The following CNBD1 variants were observed in gnomAD, a reference collection of about 807,000 sequenced individuals.
The protein encoded by CNBD1 is cyclic nucleotide binding domain containing 1, also known as cyclic nucleotide-binding domain-containing protein 1.
CNBD1 carries 71 observed loss-of-function variants against 54.4 expected under a neutral mutation model. The ratio of observed to expected loss-of-function variants is 1.30; its 90% CI spans 1.08 to 1.59. The LOEUF is 1.59. CNBD1 is among the 40% of genes most tolerant of loss of function. CNBD1 has a pLI of 0.00. For synonymous variants in CNBD1, 182 were observed against 170.7 expected, an observed-to-expected ratio of 1.07 and a Z score of -0.51; for missense variants, 659 against 518.0, an observed-to-expected ratio of 1.27 and a Z score of -2.64.
intron 4 of CNBD1, among the ~76,000 whole-genome samples, chr8:87,127,421 T>A (rs1312907992): frequency 6.6e-6 from 1 of 152,194 alleles, no homozygotes; most frequent in African/African-American, 2.4e-5. Context: ...TTATGCTACT[T>A]TAAATTGTAT....
chr8:86,905,357 G>A (rs528917511), intron 3 of CNBD1, among the ~76,000 whole-genome samples, 163 bp downstream of exon 3: 3 of 152,110 alleles, frequency 2.0e-5, no homozygotes, highest in African/African-American at 4.8e-5. Flanking sequence ...GTTGGTAAGG[G>A]TAAATTCAAT....
chr8:87,377,937 T>G (rs1810986319), intron 10 of CNBD1, among the ~76,000 whole-genome samples: 1 of 148,526 alleles, frequency 6.7e-6, no homozygotes, highest in African/African-American at 2.5e-5. Flanking sequence ...GTTTTTTGGC[T>G]GCATAAATGT....
intron 6 of CNBD1, among the ~76,000 whole-genome samples, chr8:87,258,520 A>C (rs1808067318): frequency 6.6e-6 from 1 of 151,834 alleles, no homozygotes; most frequent in African/African-American, 2.4e-5. Flanking sequence ...GCAACTCCTA[A>C]TCTCAAGTGA....
chr8:86,904,962 T>C, intron 2 of CNBD1, 119 bp from the exon 3 acceptor site: 1 of 419,358 alleles, frequency 2.4e-6, no homozygotes, highest in Non-Finnish European at 4.3e-6. Context: ...TATATTTTTG[T>C]TAGTTGCTTC....
At chr8:87,098,477 C>T (rs1811360639) in intron 4 of CNBD1, among the ~76,000 whole-genome samples, 1 of 151,934 alleles carries the variant, frequency 6.6e-6, no homozygotes, top group South Asian at 2.1e-4. Context: ...GAAATTAATC[C>T]CAGCTGGGGT....
chr8:86,899,843 A>G (rs1808905972), intron 2 of CNBD1, among the ~76,000 whole-genome samples: 1 of 152,128 alleles, frequency 6.6e-6, no homozygotes, highest in Non-Finnish European at 1.5e-5. Flanking sequence ...AAGCTACTCC[A>G]TTCTCCTTCA....
intron 1 of CNBD1, among the ~76,000 whole-genome samples, chr8:86,868,389 C>G (rs1808393158): frequency 6.6e-6 from 1 of 152,154 alleles, no homozygotes; most frequent in South Asian, 2.1e-4. Context: ...GTTGCCCAGG[C>G]TGGAGTGCAG....
At chr8:87,185,433 C>T (rs988486580) in intron 4 of CNBD1, among the ~76,000 whole-genome samples, 1 of 152,256 alleles carries the variant, frequency 6.6e-6, no homozygotes. Context: ...TATCATCATA[C>T]ATAGTGTGAA....
At chr8:87,324,507 C>G (rs894966652) in intron 8 of CNBD1, among the ~76,000 whole-genome samples, 15 of 145,332 alleles carry the variant, frequency 1.0e-4, no homozygotes, top group East Asian at 3.9e-4. Context: ...TTCAGAGATT[C>G]AACTTCTTCC....
downstream of CNBD1, among the ~76,000 whole-genome samples, chr8:87,387,057 G>T (rs1445057652): frequency 1.3e-5 from 2 of 152,154 alleles, no homozygotes; most frequent in Non-Finnish European, 2.9e-5. Flanking sequence ...AGGAAATGCT[G>T]AGAGATTCTG....
chr8:86,984,227 A>G (rs1380920298), intron 4 of CNBD1, among the ~76,000 whole-genome samples: 1 of 152,208 alleles, frequency 6.6e-6, no homozygotes, highest in Non-Finnish European at 1.5e-5. Context: ...GTGAGTGCAC[A>G]GAAGTCAAGA....
rs914021820 is a variant in CNBD1, at chr8:87,220,251, T to C, written c.577+14113T>C. Among the ~76,000 whole-genome samples the C allele has an allele frequency of 3.9e-5, 6 of 152,024 alleles. No individual in the cohort carries two copies. The East Asian group carries it at 7.7e-4, about 20-fold the overall frequency. On this transcript the variant is annotated intron_variant, in intron 5 of 10. Coordinates refer to ENST00000518476, the MANE Select transcript of CNBD1 (RefSeq NM_173538.3). ...ATTTCCGTGTTTATTCCCTCTGCAA[T>C]TGGCTTCATTGAGAGGGTCGATTTT...
intron 4 of CNBD1, among the ~76,000 whole-genome samples, chr8:86,956,696 C>T (rs1021319195): frequency 7.9e-5 from 12 of 152,198 alleles, no homozygotes; most frequent in Non-Finnish European, 2.9e-5. Flanking sequence ...TGAGACTTTG[C>T]TGAAGTGACT....
chr8:86,883,182 TAAA>T (rs35388299), intron 1 of CNBD1, among the ~76,000 whole-genome samples: 7 of 149,562 alleles, frequency 4.7e-5, no homozygotes, highest in African/African-American at 1.2e-4. Context: ...ACTTAAAAGT[TAAA>T]AAAAAAAAAT....
At position 87,229,500 on chromosome 8, in the gene CNBD1, CTTAA is replaced by C. The variant is rs1164417108; in HGVS notation, c.578-7415_578-7412del. Among the ~76,000 whole-genome samples, 5 of 152,072 alleles carry C rather than the reference CTTAA, an allele frequency of 3.3e-5. No individual in the cohort carries two copies. The East Asian group carries it at 5.8e-4, about 18-fold the overall frequency. On this transcript the variant is annotated intron_variant, in intron 5 of 10. Transcript: ENST00000518476. ...TAATATTTTAATTGTTCTTTGACAC[CTTAA>C]TTAGATAGTAATCTTTTTTAGACAA...
At chr8:87,295,942 A>G (rs575539545) in intron 8 of CNBD1, among the ~76,000 whole-genome samples, 1 of 152,268 alleles carries the variant, frequency 6.6e-6, no homozygotes, top group African/African-American at 2.4e-5. Context: ...AAAATTTCCA[A>G]AGTAGAACTT....
rs970754187 is a variant in CNBD1, at chr8:87,181,952, T to C, written c.432-24041T>C. 3.9e-5 allele frequency among the ~76,000 whole-genome samples: 6 copies of C among 152,258 alleles called. No homozygotes were observed. In the East Asian group the frequency reaches 5.8e-4, roughly 15 times the overall value. ...TGTGCAGGTTTTTTCCATGAGTACA[T>C]TGTGTGTTACTAGCGTTTGTTGTAC... is the stretch of plus-strand genomic sequence containing the variant. On this transcript the variant is annotated intron_variant, in intron 4 of 10. Coordinates refer to ENST00000518476, the MANE Select transcript of CNBD1 (RefSeq NM_173538.3).
chr8:87,393,908 A>G (rs1811360683), intron 2 of CNBD1, among the ~76,000 whole-genome samples: 1 of 151,586 alleles, frequency 6.6e-6, no homozygotes, highest in South Asian at 2.1e-4. Context: ...TTGGCTATTT[A>G]GAAAATAGTG....
chr8:87,117,563 C>T (rs1811801005), intron 4 of CNBD1, among the ~76,000 whole-genome samples: 1 of 152,160 alleles, frequency 6.6e-6, no homozygotes, highest in South Asian at 2.1e-4. Flanking sequence ...AAAAGACAAG[C>T]ATGACTGATC....
Sources: allele counts gnomAD v4.1 joint callset (sites outside exome capture counted in the v4.1 genomes callset), GRCh38; gene constraint gnomAD v4.1.1; transcripts MANE v1.5; gene names NCBI Gene and HGNC (gene_info 2026-07-23, HGNC 2026-07-21).